Variants in NUDT9 observed in about 807,000 individuals in gnomAD.
NUDT9 encodes the protein ADP-ribose pyrophosphatase.
Under a neutral mutation model 41.0 loss-of-function variants are expected in NUDT9, and 31 were observed. That is an observed-to-expected ratio of 0.76 (90% confidence interval 0.57 to 1.02). NUDT9 has a LOEUF of 1.02. Among genes scored for constraint, NUDT9 ranks in the 50% least tolerant of loss-of-function variants. NUDT9 has a pLI of 0.00. For missense variants in NUDT9, 380 were observed against 431.4 expected, an observed-to-expected ratio of 0.88 and a Z score of 1.06; for synonymous variants, 146 against 147.6, an observed-to-expected ratio of 0.99 and a Z score of 0.08.
chr4:87,426,854 AGAGT>A (rs969257890), intron 1 of NUDT9, among the ~76,000 whole-genome samples: 1 of 150,874 alleles, frequency 6.6e-6, no homozygotes, highest in African/African-American at 2.4e-5. Context: ...TGGGCAACAT[AGAGT>A]GAGACCCCAT....
At chr4:87,445,270 G>T (rs1722394025) in intron 4 of NUDT9, 1 of 152,042 alleles carries the variant, frequency 6.6e-6, no homozygotes, top group African/African-American at 2.4e-5. Flanking sequence ...TACTTTTTCT[G>T]TTACACCACT....
At chr4:87,425,391 CTTTTTTTTT>C (rs70957241) in intron 1 of NUDT9, among the ~76,000 whole-genome samples, 1 of 116,740 alleles carries the variant, frequency 8.6e-6, no homozygotes, top group African/African-American at 3.3e-5. Context: ...TGTTCTTTTC[CTTTTTTTTT>C]TTTTTTTTTT....
chr4:87,457,905 G>C lies in NUDT9; in HGVS notation c.937G>C (p.Asp313His), dbSNP rs149856402. Residue 313 changes from aspartate to histidine, a missense_variant, in exon 8 of 8, where the codon GAC becomes CAC. Physicochemically the swap from Asp to His is moderately conservative, Grantham distance 81 (BLOSUM62 -1). Coordinates refer to ENST00000302174, the MANE Select transcript of NUDT9 (RefSeq NM_024047.5). The part of the protein sequence containing the change: ...GDDAGKVKWV[D>H]INDKLKLYAS... ...TGATGCTGGAAAAGTGAAATGGGTG[G>C]ACATCAATGATAAACTGAAGCTTTA... 10 of 1,609,666 alleles carry C rather than the reference G, an allele frequency of 6.2e-6. No individual in the cohort carries two copies. The highest frequency in any genetic ancestry group is 8.5e-6 in the Non-Finnish European group (10 of 1,178,230).
rs761458735 is a variant in NUDT9, at chr4:87,458,012, T to C, written c.1044T>C (p.His348=). The part of the protein sequence containing the change: ...HWSEDSEADC[H]AL ...GCGAGGACTCTGAAGCTGACTGCCA[T>C]GCGTTGTAGCTGATGGTCTCCGTGT... Residue 348 remains histidine, a synonymous_variant, in exon 8 of 8, where the codon CAT becomes CAC. Coordinates refer to ENST00000302174, the MANE Select transcript of NUDT9 (RefSeq NM_024047.5). The C allele has an allele frequency of 1.3e-6, 2 of 1,540,100 alleles. No homozygotes were observed. The highest frequency in any genetic ancestry group is 1.7e-6 in the Non-Finnish European group (2 of 1,150,714).
chr4:87,445,473 C>T (rs1260867447), intron 4 of NUDT9: 3 of 152,094 alleles, frequency 2.0e-5, no homozygotes, highest in East Asian at 1.9e-4. Flanking sequence ...GTTAAATTTT[C>T]GGATTCCCAG....
Position 87,452,663 on chromosome 4 carries a change from C to T in NUDT9, c.789+928C>T, listed in dbSNP as rs188744030. On this transcript the variant is annotated intron_variant, in intron 6 of 7. Transcript: ENST00000302174. ...AGAGATGGGGTTTTACCATGTTGTC[C>T]AGGCTGGTCTTGAACTCCTGGGCTG... Among the ~76,000 whole-genome samples the T allele has an allele frequency of 1.0e-3, 156 of 151,768 alleles. 1 individual carries two copies. Among genetic ancestry groups the T allele is most frequent in the African/African-American group, 3.5e-3 (145 of 41,370 alleles).
At position 87,451,648 on chromosome 4, in the gene NUDT9, A is replaced by G; in HGVS notation, c.702A>G (p.Glu234=). 6.2e-7 allele frequency: 1 copy of G among 1,613,566 alleles called. No homozygotes were observed. The highest frequency in any genetic ancestry group is 8.5e-7 in the Non-Finnish European group (1 of 1,179,502). ...SATLKREFGE[E]ALNSLQKTSA... ...CACTGAAAAGAGAATTTGGTGAGGAAGCTCTCAACTCCTTACAGAAAACCA... is the reference window on the plus strand; with the variant it reads ...CACTGAAAAGAGAATTTGGTGAGGAGGCTCTCAACTCCTTACAGAAAACCA... The change falls in exon 6 of 8, where the codon GAA becomes GAG. Residue 234 remains glutamate, a synonymous_variant. Transcript: ENST00000302174.
chr4:87,435,880 A>C (rs1309511624), intron 2 of NUDT9, among the ~76,000 whole-genome samples: 1 of 152,242 alleles, frequency 6.6e-6, no homozygotes, highest in Non-Finnish European at 1.5e-5. Flanking sequence ...TACATTGTGA[A>C]GTGATTACAA....
intron 3 of NUDT9, among the ~76,000 whole-genome samples, chr4:87,439,173 A>T (rs1351638225): frequency 6.6e-6 from 1 of 150,720 alleles, no homozygotes; most frequent in Non-Finnish European, 1.5e-5. Context: ...CTCAAAAAAA[A>T]AAATAGACAT....
chr4:87,439,268 G>A (rs1358900452), intron 3 of NUDT9, among the ~76,000 whole-genome samples: 1 of 152,088 alleles, frequency 6.6e-6, no homozygotes, highest in African/African-American at 2.4e-5. Context: ...GAAACCTACT[G>A]TCATGGTGGA....
chr4:87,426,725 TA>T (rs888807893), intron 1 of NUDT9, among the ~76,000 whole-genome samples: 32 of 143,752 alleles, frequency 2.2e-4, no homozygotes, highest in African/African-American at 5.3e-4. Flanking sequence ...TTCTTATTTA[TA>T]AAAAAAAAAA....
chr4:87,447,487 T>TG (rs1560796888), intron 4 of NUDT9, among the ~76,000 whole-genome samples: 1 of 150,916 alleles, frequency 6.6e-6, no homozygotes, highest in African/African-American at 2.5e-5. Context: ...TTTTTTTTTT[T>TG]TTTGTTTTGT....
chr4:87,426,960 C>CA (rs764275877), intron 1 of NUDT9, among the ~76,000 whole-genome samples: 539 of 132,498 alleles, frequency 4.1e-3, no homozygotes, highest in Middle Eastern at 0.015. Flanking sequence ...AAAACTAAAC[C>CA]AAAAAAAAAA....
At chr4:87,436,929 A>G (rs1468963857) in intron 2 of NUDT9, among the ~76,000 whole-genome samples, 1 of 151,940 alleles carries the variant, frequency 6.6e-6, no homozygotes, top group Admixed American at 6.6e-5. Context: ...TGGTGAGGAG[A>G]GTAGTTTAGT....
intron 5 of NUDT9, among the ~76,000 whole-genome samples, chr4:87,450,377 T>C (rs1213430438): frequency 5.0e-5 from 7 of 139,914 alleles, no homozygotes; most frequent in Non-Finnish European, 9.1e-5. Context: ...TTTTTCTTTT[T>C]CTTTTTTTTT....
At position 87,449,195 on chromosome 4, in the gene NUDT9, A is replaced by G. The variant is rs1174275992; in HGVS notation, c.584A>G (p.His195Arg). The change falls in exon 5 of 8, where the codon CAT becomes CGT. Residue 195 changes from histidine to arginine, a missense_variant. By Grantham distance (29) the His-to-Arg change is conservative. Transcript: ENST00000302174. ...NKIMHPVSGK[H>R]ILQFVAIKRK... Reference sequence around the variant, plus strand: ...ATCATGCATCCTGTTTCTGGGAAGCATATCTTACAATTTGTTGCAATAAAA... The same window carrying G: ...ATCATGCATCCTGTTTCTGGGAAGCGTATCTTACAATTTGTTGCAATAAAA... The G allele has an allele frequency of 1.2e-6, 2 of 1,611,948 alleles. No individual in the cohort carries two copies.
intron 6 of NUDT9, among the ~76,000 whole-genome samples, chr4:87,452,706 G>A (rs1189192334): frequency 6.6e-6 from 1 of 151,334 alleles, no homozygotes; most frequent in East Asian, 1.9e-4. Flanking sequence ...CCCCCACCTC[G>A]ACCTCCCAAA....
At chr4:87,445,038 A>T (rs1004635346) in intron 4 of NUDT9, among the ~76,000 whole-genome samples, 1 of 152,248 alleles carries the variant, frequency 6.6e-6, no homozygotes, top group African/African-American at 2.4e-5. Context: ...TTCAAGCCTT[A>T]GATGAATTGT....
intron 1 of NUDT9, among the ~76,000 whole-genome samples, chr4:87,423,920 C>CA (rs1324467074): frequency 6.6e-6 from 1 of 152,190 alleles, no homozygotes; most frequent in East Asian, 1.9e-4. Flanking sequence ...TCAGGCTTTG[C>CA]AGTAGTGGTG....
Sources: gnomAD v4.1 joint callset for allele counts (sites outside exome capture counted in the v4.1 genomes callset) on GRCh38, gnomAD v4.1.1 for gene constraint, MANE v1.5 for transcripts, NCBI Gene and HGNC (gene_info 2026-07-23, HGNC 2026-07-21) for gene names.